LBH: variants seen among roughly 807,000 people sequenced by gnomAD.
The protein encoded by LBH is LBH regulator of Wnt signaling pathway.
LBH carries 7 observed loss-of-function variants against 12.5 expected under a neutral mutation model. The ratio of observed to expected loss-of-function variants is 0.56; its 90% confidence interval spans 0.32 to 1.05. The LOEUF is 1.05. LBH is among the 50% of genes least tolerant of loss of function. LBH has a pLI of 0.04. For synonymous variants in LBH, 51 were observed against 50.1 expected (o/e 1.02, Z -0.08); for missense variants, 119 against 138.9 (o/e 0.86, Z 0.72).
At chr2:30,255,626 C>T (rs1678070717) in intron 2 of LBH, among the ~76,000 whole-genome samples, 1 of 152,042 alleles carries the variant, frequency 6.6e-6, no homozygotes. Flanking sequence ...TTCCTGGAAG[C>T]CCCACGTGGC....
intron 2 of LBH, among the ~76,000 whole-genome samples, chr2:30,248,047 C>T (rs1677907395): frequency 6.6e-6 from 1 of 152,168 alleles, no homozygotes; most frequent in African/African-American, 2.4e-5. Context: ...GAATGGCTGC[C>T]CTAGGCTAAA....
chr2:30,247,375 G>C (rs80190651), intron 2 of LBH, among the ~76,000 whole-genome samples: 1 of 152,288 alleles, frequency 6.6e-6, no homozygotes, highest in East Asian at 1.9e-4. Context: ...CAAGCATTAG[G>C]AAGCTGTCAG....
chr2:30,244,377 G>T (rs2103559452), intron 2 of LBH, among the ~76,000 whole-genome samples: 1 of 152,268 alleles, frequency 6.6e-6, no homozygotes, highest in Non-Finnish European at 1.5e-5. Context: ...GTTAAAATGG[G>T]AGGACAGCTG....
At chr2:30,250,015 A>ACC (rs1021633525) in intron 2 of LBH, among the ~76,000 whole-genome samples, 1 of 152,076 alleles carries the variant, frequency 6.6e-6, no homozygotes, top group Non-Finnish European at 1.5e-5. Context: ...TTCTCATTTT[A>ACC]CTCGGGAGGC....
At chr2:30,234,335 T>C (rs1215815319) in intron 1 of LBH, 70 bp from the exon 2 acceptor site, 7 of 1,156,720 alleles carry the variant, frequency 6.1e-6, no homozygotes, top group African/African-American at 1.5e-5. Context: ...CCCACAGCAG[T>C]GAATGCATGA....
At chr2:30,235,253 T>C (rs1677669518) in intron 2 of LBH, among the ~76,000 whole-genome samples, 1 of 152,138 alleles carries the variant, frequency 6.6e-6, no homozygotes, top group African/African-American at 2.4e-5. Context: ...TGCAGTTCCC[T>C]CTGGGCTGTG....
chr2:30,257,389 T>A, intron 2 of LBH, 44 bp from the exon 3 acceptor site: 1 of 1,602,956 alleles, frequency 6.2e-7, no homozygotes, highest in Non-Finnish European at 8.5e-7. Context: ...ATTTCTCTTT[T>A]CAAATATCTA....
intron 2 of LBH, among the ~76,000 whole-genome samples, chr2:30,246,205 C>T (rs1043568687): frequency 1.4e-4 from 21 of 152,120 alleles, no homozygotes; most frequent in Non-Finnish European, 1.6e-4. Flanking sequence ...GTGATCTGCC[C>T]GCCTTACCTC....
chr2:30,235,894 G>A (rs1677679550), intron 2 of LBH, among the ~76,000 whole-genome samples: 2 of 151,956 alleles, frequency 1.3e-5, no homozygotes, highest in Non-Finnish European at 2.9e-5. Flanking sequence ...GGGGGTGTGT[G>A]GAGCAAGGGG....
intron 2 of LBH, among the ~76,000 whole-genome samples, chr2:30,244,962 T>C (rs1220377390): frequency 6.6e-6 from 1 of 152,180 alleles, no homozygotes; most frequent in Non-Finnish European, 1.5e-5. Context: ...TAATAATTAT[T>C]TGTGATATGT....
At chr2:30,232,384 C>T in intron 1 of LBH, 2 of 872,220 alleles carry the variant, frequency 2.3e-6, no homozygotes, top group Non-Finnish European at 1.6e-6. Context: ...TGGGAGGAGC[C>T]GCCTTCGCCG....
At chr2:30,256,084 G>T (rs1678078991) in intron 2 of LBH, among the ~76,000 whole-genome samples, 1 of 152,180 alleles carries the variant, frequency 6.6e-6, no homozygotes, top group Admixed American at 6.5e-5. Context: ...GTCACTGAGG[G>T]CTGTGAATGG....
chr2:30,240,589 T>C (rs1001530136), intron 2 of LBH, among the ~76,000 whole-genome samples: 1 of 152,172 alleles, frequency 6.6e-6, no homozygotes, highest in Non-Finnish European at 1.5e-5. Context: ...CAGGAAGATA[T>C]CGTTATCAGC....
At chr2:30,239,681 C>T (rs1677753798) in intron 2 of LBH, among the ~76,000 whole-genome samples, 1 of 152,102 alleles carries the variant, frequency 6.6e-6, no homozygotes, top group African/African-American at 2.4e-5. Context: ...CTCTCCTTGA[C>T]AAAAATCACA....
chr2:30,242,028 T>C (rs1323002025), intron 2 of LBH, among the ~76,000 whole-genome samples: 2 of 152,190 alleles, frequency 1.3e-5, no homozygotes, highest in African/African-American at 4.8e-5. Flanking sequence ...AAACATAATT[T>C]GTCATTCAAT....
intron 2 of LBH, among the ~76,000 whole-genome samples, chr2:30,247,815 C>T (rs772283143): frequency 1.3e-5 from 2 of 152,186 alleles, no homozygotes; most frequent in Non-Finnish European, 2.9e-5. Context: ...TCGTTTTAAT[C>T]GTGAGGGTGA....
intron 2 of LBH, among the ~76,000 whole-genome samples, chr2:30,252,739 A>G (rs188926638): frequency 6.6e-6 from 1 of 152,282 alleles, no homozygotes; most frequent in Admixed American, 6.5e-5. Context: ...GAATGGACTA[A>G]CACACTTGGT....
At position 30,257,710 on chromosome 2, in the gene LBH, G is replaced by A. The variant is rs1486977857; in HGVS notation, c.*89G>A. 4.2e-6 allele frequency: 4 copies of A among 957,332 alleles called. No individual in the cohort carries two copies. Among genetic ancestry groups the A allele is most frequent in the African/African-American group, 1.7e-5 (1 of 59,052 alleles). 59.3% of individuals were successfully genotyped at this position (957,332 alleles called of 1,614,324 possible). A position where few individuals can be genotyped will look rare whatever the true frequency, so the allele number is the denominator to read the frequency against. On this transcript the variant is annotated 3_prime_UTR_variant, in exon 3 of 3. Coordinates refer to ENST00000395323, the MANE Select transcript of LBH (RefSeq NM_030915.4). ...TCATGACGGAAGAAGAGAGTGAGCC[G>A]CAATTGTTCTGAAAATGTCAAACGA... is the stretch of plus-strand genomic sequence containing the variant.
intron 1 of LBH, 29 bp downstream of exon 1, chr2:30,231,793 C>G: frequency 6.5e-7 from 1 of 1,549,590 alleles, no homozygotes. Flanking sequence ...CGGCGGGCGT[C>G]TGTCTCGCGG....
Sources: allele counts gnomAD v4.1 joint callset (sites outside exome capture counted in the v4.1 genomes callset), GRCh38; gene constraint gnomAD v4.1.1; transcripts MANE v1.5; gene names NCBI Gene and HGNC (gene_info 2026-07-23, HGNC 2026-07-21).